Variants in TTC28 observed in about 807,000 individuals in gnomAD.
The protein encoded by TTC28 is tetratricopeptide repeat protein 28.
A neutral mutation model predicts 198.0 loss-of-function variants in TTC28; 61 were observed. That is an observed-to-expected ratio of 0.31 (90% confidence interval 0.25 to 0.38). The LOEUF (loss-of-function observed/expected upper bound fraction) is 0.38. Ranked by LOEUF, TTC28 falls within the 10% of genes least tolerant of loss-of-function variation. The pLI is 1.00. For synonymous variants in TTC28, 1,171 were observed against 1,297.8 expected (o/e 0.90, Z 2.10); for missense variants, 2,678 against 3,164.0 (o/e 0.85, Z 3.69).
chr22:28,523,300 T>C (rs530706742), intron 2 of TTC28, among the ~76,000 whole-genome samples: 1 of 152,350 alleles, frequency 6.6e-6, no homozygotes, highest in South Asian at 2.1e-4. Flanking sequence ...ATAGTAATAA[T>C]AGTCACAGTG....
intron 2 of TTC28, among the ~76,000 whole-genome samples, chr22:28,588,353 T>C (rs1331939038): frequency 6.6e-6 from 1 of 152,206 alleles, no homozygotes; most frequent in African/African-American, 2.4e-5. Flanking sequence ...ACACTTCGGA[T>C]GTGGAATACT....
rs1398897907 is a variant in TTC28 at position 27,998,601 on chromosome 22, C to G, written c.5058G>C (p.Leu1686=). Residue 1686 remains leucine (L), a synonymous_variant, in exon 16 of 23, where the codon CTG becomes CTC. Transcript: ENST00000397906. Reference sequence around the variant, plus strand: ...TCTGCACCACCTTCATGGCCTCCCCCAGGGCGGCGCTGGCTTTCAGGCCGT... The same window carrying G: ...TCTGCACCACCTTCATGGCCTCCCCGAGGGCGGCGCTGGCTTTCAGGCCGT... ...LLNGLKASAA[L]GEAMKVVQSS... The G allele has an allele frequency of 6.4e-7, 1 of 1,550,848 alleles. No individual in the cohort carries two copies. Among genetic ancestry groups the G allele is most frequent in the Non-Finnish European group, 8.7e-7 (1 of 1,147,000 alleles).
chr22:28,646,130 C>T (rs2051462180), intron 1 of TTC28, among the ~76,000 whole-genome samples: 1 of 152,102 alleles, frequency 6.6e-6, no homozygotes, highest in Admixed American at 6.5e-5. Flanking sequence ...GGAGGTCAAG[C>T]TGTCTCTGCC....
intron 5 of TTC28, among the ~76,000 whole-genome samples, chr22:28,276,535 T>G (rs1932443602): frequency 6.6e-6 from 1 of 152,184 alleles, no homozygotes; most frequent in Non-Finnish European, 1.5e-5. Context: ...TTAATAGAAC[T>G]TCTCTAATGT....
At chr22:28,084,247 T>C (rs906331403) in intron 12 of TTC28, among the ~76,000 whole-genome samples, 1 of 152,164 alleles carries the variant, frequency 6.6e-6, no homozygotes, top group Non-Finnish European at 1.5e-5. Context: ...GTAACCTAAC[T>C]GGGAAGCACA....
chr22:28,560,417 T>A (rs538670568), intron 2 of TTC28, among the ~76,000 whole-genome samples: 3 of 152,168 alleles, frequency 2.0e-5, no homozygotes, highest in Admixed American at 6.5e-5. Flanking sequence ...TGGCTTCTAA[T>A]CATATTTAAA....
At chr22:28,025,845 G>T (rs1026733778) in intron 13 of TTC28, among the ~76,000 whole-genome samples, 2 of 152,194 alleles carry the variant, frequency 1.3e-5, no homozygotes, top group Non-Finnish European at 2.9e-5. Context: ...AACCCAGCCT[G>T]GGTGACAGAG....
intron 1 of TTC28, among the ~76,000 whole-genome samples, chr22:28,651,820 T>C (rs1301186622): frequency 1.3e-5 from 2 of 151,878 alleles, no homozygotes; most frequent in Non-Finnish European, 2.9e-5. Flanking sequence ...CAAAGGCTAC[T>C]CTGAATGCAG....
intron 2 of TTC28, among the ~76,000 whole-genome samples, chr22:28,467,063 C>A (rs891889027): frequency 1.3e-5 from 2 of 152,158 alleles, no homozygotes; most frequent in African/African-American, 2.4e-5. Context: ...AAAGAATAAT[C>A]CACACTAATA....
chr22:28,385,564 G>T (rs1485016287), intron 2 of TTC28, among the ~76,000 whole-genome samples: 2 of 151,710 alleles, frequency 1.3e-5, no homozygotes, highest in South Asian at 4.2e-4. Context: ...TTATCATGAG[G>T]AGTAAATAAA....
chr22:28,122,941 T>C (rs932162270), intron 6 of TTC28, among the ~76,000 whole-genome samples: 4 of 152,240 alleles, frequency 2.6e-5, no homozygotes, highest in Admixed American at 1.3e-4. Context: ...ACACCAGTTA[T>C]GGCTTTTGGT....
chr22:28,076,516 T>C (rs2146791955), intron 12 of TTC28, among the ~76,000 whole-genome samples: 1 of 152,316 alleles, frequency 6.6e-6, no homozygotes, highest in Non-Finnish European at 1.5e-5. Context: ...GTATTAATCA[T>C]ACATAATCTT....
chr22:28,677,205 CACATAT>C (rs2052011065), intron 1 of TTC28, among the ~76,000 whole-genome samples: 1 of 121,342 alleles, frequency 8.2e-6, no homozygotes, highest in Admixed American at 8.5e-5. Context: ...TATATATACA[CACATAT>C]ATATTAAGTT....
chr22:28,387,894 G>C lies in TTC28; in HGVS notation c.382-81251C>G, dbSNP rs368909261. 2.0e-5 allele frequency among the ~76,000 whole-genome samples: 3 copies of C among 152,180 alleles called. No homozygotes were observed. In the East Asian group the frequency reaches 5.8e-4, roughly 29 times the overall value. ...TTGGCTTTGGTTGCCATTGCTTTTG[G>C]TGTTTTAGACACGAAGTCCTTACCC... On this transcript the variant is annotated intron_variant, in intron 2 of 22. Coordinates refer to ENST00000397906, the MANE Select transcript of TTC28 (RefSeq NM_001145418.2).
intron 5 of TTC28, among the ~76,000 whole-genome samples, chr22:28,196,047 C>A (rs1047020643): frequency 2.0e-5 from 3 of 151,754 alleles, no homozygotes; most frequent in Non-Finnish European, 4.4e-5. Context: ...TACTACAAGG[C>A]TACAGTAACC....
chr22:28,416,149 T>C (rs921418237), intron 2 of TTC28, among the ~76,000 whole-genome samples: 2 of 152,162 alleles, frequency 1.3e-5, no homozygotes, highest in African/African-American at 2.4e-5. Flanking sequence ...AAAAAACACA[T>C]TGGAGAAGCC....
chr22:28,603,771 T>G (rs2050680836), intron 2 of TTC28, among the ~76,000 whole-genome samples: 1 of 152,102 alleles, frequency 6.6e-6, no homozygotes, highest in Non-Finnish European at 1.5e-5. Flanking sequence ...AACAGTATAA[T>G]ACTTCTGAAA....
chr22:28,053,396 G>C (rs1175642880), intron 12 of TTC28, among the ~76,000 whole-genome samples: 1 of 152,208 alleles, frequency 6.6e-6, no homozygotes, highest in Non-Finnish European at 1.5e-5. Context: ...ATTCAAGATA[G>C]GATAGGGTCA....
chr22:28,149,608 A>G (rs902411159), intron 6 of TTC28, among the ~76,000 whole-genome samples: 1 of 152,240 alleles, frequency 6.6e-6, no homozygotes, highest in Non-Finnish European at 1.5e-5. Flanking sequence ...GCAGGGTCAG[A>G]ATCATCAATA....
Sources: allele counts gnomAD v4.1 joint callset (sites outside exome capture counted in the v4.1 genomes callset), GRCh38; gene constraint gnomAD v4.1.1; transcripts MANE v1.5; gene names NCBI Gene and HGNC (gene_info 2026-07-23, HGNC 2026-07-21).